Variants in PTCH2 observed in about 807,000 individuals in gnomAD.
PTCH2 encodes the protein protein patched homolog 2.
PTCH2 carries 96 observed loss-of-function variants against 117.9 expected under a neutral mutation model. The ratio of observed to expected loss-of-function variants is 0.81; its 90% CI spans 0.69 to 0.96. The LOEUF is 0.96. Ranked by LOEUF, PTCH2 falls within the 50% of genes least tolerant of loss-of-function variation. The probability of loss-of-function intolerance (pLI) is 0.00; values close to 1 mark genes in which losing one functional copy is unlikely to be tolerated. For missense variants in PTCH2, 1,379 were observed against 1,562.5 expected (o/e 0.88, Z 1.98); for synonymous variants, 615 against 660.9 (o/e 0.93, Z 1.06).
intron 2 of PTCH2, among the ~76,000 whole-genome samples, chr1:44,841,595 A>G (rs1278337119): frequency 6.6e-6 from 1 of 152,256 alleles, no homozygotes; most frequent in Non-Finnish European, 1.5e-5. Flanking sequence ...AAAGTTAGCA[A>G]TAAATGCTAA....
intron 1 of PTCH2, 87 bp from the exon 2 acceptor site, chr1:44,842,126 GC>G: frequency 7.6e-7 from 1 of 1,316,934 alleles, no homozygotes; most frequent in South Asian, 1.2e-5. Context: ...CTGCTGCCCA[GC>G]CCTCGCTTCT....
intron 2 of PTCH2, among the ~76,000 whole-genome samples, chr1:44,834,862 A>G (rs1344073473): frequency 6.6e-6 from 1 of 152,190 alleles, no homozygotes; most frequent in Non-Finnish European, 1.5e-5. Flanking sequence ...AACAGTGACT[A>G]CCTTGGTAGA....
At position 44,830,775 on chromosome 1, in the gene PTCH2, C is replaced by T. The variant is rs942540589; in HGVS notation, c.813+73G>A. ...CAGGGCACAGAGCAGTCAGCTCCCC[C>T]AGAACACAGGAGTATGAGGAAGGGA... On this transcript the variant is annotated intron_variant, in intron 6 of 21. Coordinates refer to ENST00000372192, the MANE Select transcript of PTCH2 (RefSeq NM_003738.5). The T allele has an allele frequency of 4.1e-6, 6 of 1,447,310 alleles. No homozygotes were observed. In the East Asian group the frequency reaches 1.2e-4, roughly 28 times the overall value. The allele number at this position is 1,447,310 out of a possible 1,614,324, so 89.7% of individuals were successfully genotyped here.
intron 6 of PTCH2, 113 bp from the exon 7 acceptor site, chr1:44,830,143 T>C (rs1653367313): frequency 1.3e-5 from 19 of 1,410,802 alleles, no homozygotes; most frequent in Non-Finnish European, 1.7e-5. Context: ...AGGGCTGGAG[T>C]GTAGGTAACT....
At chr1:44,837,972 C>G (rs1408107226) in intron 2 of PTCH2, among the ~76,000 whole-genome samples, 6 of 151,752 alleles carry the variant, frequency 4.0e-5, no homozygotes, top group Non-Finnish European at 2.9e-5. Flanking sequence ...GTCCCAGCTA[C>G]TCAGAAGGCT....
chr1:44,819,958 A>C (rs1382511973), downstream of PTCH2: 1 of 153,390 alleles, frequency 6.5e-6, no homozygotes, highest in Non-Finnish European at 1.5e-5. Flanking sequence ...CTTTAGTAAA[A>C]GGCGAAAGAT....
rs11573571 is a variant in PTCH2, at chr1:44,832,554, G to A, written c.266-213C>T. Among the ~76,000 whole-genome samples the A allele has an allele frequency of 5.8e-3, 889 of 152,348 alleles. 4 individuals carry two copies. The highest frequency in any genetic ancestry group is 8.4e-3 in the Non-Finnish European group (573 of 68,032). ...TCTGCCAGGGAAGTGGAGAAGCCTC[G>A]GTTGTGTGGCTCTGCGGATTTCTTG... On this transcript the variant is annotated intron_variant, in intron 2 of 21. Transcript: ENST00000372192.
At chr1:44,824,433 C>T (rs1653051047) in intron 19 of PTCH2, among the ~76,000 whole-genome samples, 1 of 152,002 alleles carries the variant, frequency 6.6e-6, no homozygotes. Flanking sequence ...GTTCTGGCAT[C>T]TCTGTATCTC....
downstream of PTCH2, chr1:44,820,648 C>T (rs915093655): frequency 4.2e-6 from 3 of 713,286 alleles, no homozygotes; most frequent in Non-Finnish European, 7.9e-6. Flanking sequence ...CAGTGGCGCT[C>T]CGTGTGTCTG....
rs753133846 is a variant in PTCH2 at position 44,830,971 on chromosome 1, G to T, written c.690C>A (p.Ser230=). Residue 230 remains serine (S), a synonymous_variant, in exon 6 of 22, where the codon TCC becomes TCA. Coordinates refer to ENST00000372192, the MANE Select transcript of PTCH2 (RefSeq NM_003738.5). ...CTAGCAGCTCCCGGAAGCCCTCAAGGGAGGCAAAGGGACCCAGCTCCTCCA... is the reference window on the plus strand; with the variant it reads ...CTAGCAGCTCCCGGAAGCCCTCAAGTGAGGCAAAGGGACCCAGCTCCTCCA... ...QLLEELGPFA[S]LEGFRELLDK... 6.2e-7 allele frequency: 1 copy of T among 1,612,356 alleles called. No homozygotes were observed. The highest frequency in any genetic ancestry group is 2.2e-5 in the East Asian group (1 of 44,842).
At position 44,829,122 on chromosome 1, in the gene PTCH2, A is replaced by G. The variant is rs756430638; in HGVS notation, c.1371+35T>C. 1.9e-6 allele frequency: 3 copies of G among 1,613,794 alleles called. No homozygotes were observed. In the South Asian group the frequency reaches 3.3e-5, roughly 18 times the overall value. ...AGCTGAGGACCCGTGAAGCCTGGTG[A>G]CTGGCACTGAGTCTGCCCTGCAGTC... is the stretch of plus-strand genomic sequence containing the variant. On this transcript the variant is annotated intron_variant, in intron 10 of 21. Coordinates refer to ENST00000372192, the MANE Select transcript of PTCH2 (RefSeq NM_003738.5).
chr1:44,819,917 T>TAAAAACTCACAACTTTCTCTCC (rs1553164197), downstream of PTCH2: 3 of 153,244 alleles, frequency 2.0e-5, no homozygotes, highest in African/African-American at 7.2e-5. Flanking sequence ...AAAAATTGAA[T>TAAAAACTCACAACTTTCTCTCC]AAAAACTCAC....
chr1:44,821,541 C>T (rs1425925861), downstream of PTCH2, among the ~76,000 whole-genome samples: 1 of 152,186 alleles, frequency 6.6e-6, no homozygotes, highest in Admixed American at 6.5e-5. Context: ...GCCTCCACCT[C>T]GCCTTCCACC....
rs896458320 is a variant in PTCH2 at position 44,826,621 on chromosome 1, C to T, written c.2843G>A (p.Gly948Asp). The change falls in exon 18 of 22, where the codon GGC (glycine) becomes GAC (aspartate). Residue 948 changes from glycine (G) to aspartate (D), a missense_variant. Physicochemically the swap from Gly to Asp is moderately conservative, Grantham distance 94 (BLOSUM62 -1). Transcript: ENST00000372192. This position sits in a 1 kb window ranked among gnomAD's most constrained non-coding sequence, Gnocchi z 5.1. ...GQAGVHAYPS[G>D]SPFLFWEQYL... ...CTGTTCCCAGAAGAGGAAGGGGGAG[C>T]CGCTGGGGTAGGCGTGCACCCCAGC... 1.9e-6 allele frequency: 3 copies of T among 1,613,242 alleles called. No homozygotes were observed. Among genetic ancestry groups the T allele is most frequent in the Non-Finnish European group, 2.5e-6 (3 of 1,179,982 alleles).
chr1:44,832,729 G>A (rs924396345), intron 2 of PTCH2, among the ~76,000 whole-genome samples: 1 of 152,176 alleles, frequency 6.6e-6, no homozygotes, highest in Non-Finnish European at 1.5e-5. Flanking sequence ...TGTTCTGGTG[G>A]GGAGGACAAG....
In PTCH2 at chr1:44,831,866, C is replaced by T; in HGVS notation, c.526-69G>A. The T allele has an allele frequency of 6.3e-7, 1 of 1,583,978 alleles. No homozygotes were observed. The highest frequency in any genetic ancestry group is 1.1e-5 in the South Asian group (1 of 90,470). On this transcript the variant is annotated intron_variant, in intron 4 of 21. Transcript: ENST00000372192. The surrounding 1 kb of genome is among the most constrained non-coding windows in gnomAD (Gnocchi z 4.3). Reference sequence around the variant, plus strand: ...TTTGTAGGATGCCCTCTGCAATCCCCCTCCTTAGTTTTAAGGGGGCAGATT... The same window carrying T: ...TTTGTAGGATGCCCTCTGCAATCCCTCTCCTTAGTTTTAAGGGGGCAGATT...
intron 2 of PTCH2, 97 bp downstream of exon 2, chr1:44,841,750 G>A: frequency 7.1e-7 from 1 of 1,406,030 alleles, no homozygotes; most frequent in Non-Finnish European, 1.0e-6. Context: ...TCCAGCCCCA[G>A]GGCCAGGCCT....
At position 44,842,818 on chromosome 1, in the gene PTCH2, C is replaced by G. The variant is rs1285774487; in HGVS notation, c.72+43G>C. On this transcript the variant is annotated intron_variant, in intron 1 of 21. Coordinates refer to ENST00000372192, the MANE Select transcript of PTCH2 (RefSeq NM_003738.5). ...CCTTGCAGAGGCCCGAGTGACAGAC[C>G]TGGCTCCGCTCTCTTCCTTCTTCCA... The G allele has an allele frequency of 1.1e-5, 17 of 1,515,912 alleles. No homozygotes were observed. The Admixed American group carries it at 2.9e-4, about 26-fold the overall frequency. 93.9% of individuals were successfully genotyped at this position (1,515,912 alleles called of 1,614,324 possible).
intron 2 of PTCH2, among the ~76,000 whole-genome samples, chr1:44,838,724 CTTTTCTTTTTT>C (rs1235255644): frequency 6.6e-6 from 1 of 151,090 alleles, no homozygotes; most frequent in South Asian, 2.1e-4. Context: ...CTTTCTTTTT[CTTTTCTTTTTT>C]TTTTTTTTTG....
Sources: gnomAD v4.1 joint callset for allele counts (sites outside exome capture counted in the v4.1 genomes callset) on GRCh38, gnomAD v4.1.1 for gene constraint, Gnocchi (gnomAD v3.1) non-coding constraint, MANE v1.5 for transcripts, NCBI Gene and HGNC (gene_info 2026-07-23, HGNC 2026-07-21) for gene names.